The following IP6K1 variants were observed in gnomAD, a reference collection of about 807,000 sequenced individuals.
The protein encoded by IP6K1 is inositol hexakisphosphate kinase 1.
A neutral mutation model predicts 38.3 loss-of-function variants in IP6K1; 13 were observed. The observed-to-expected ratio is 0.34, with a 90% CI of 0.22 to 0.54. The LOEUF is 0.54. Among genes scored for constraint, IP6K1 ranks in the 20% least tolerant of loss-of-function variants. The pLI is 0.92. For missense variants in IP6K1, 397 were observed against 599.8 expected, an observed-to-expected ratio of 0.66 and a Z score of 3.53; for synonymous variants, 212 against 229.9, an observed-to-expected ratio of 0.92 and a Z score of 0.70.
chr3:49,785,206 T>C (rs1329449359), intron 1 of IP6K1, among the ~76,000 whole-genome samples: 2 of 152,154 alleles, frequency 1.3e-5, no homozygotes, highest in Non-Finnish European at 2.9e-5. Context: ...ATAATTTTAG[T>C]ACTGTTAAAA....
In IP6K1 at chr3:49,727,955, T is replaced by C. The variant is rs574555421; in HGVS notation, c.792+148A>G. ...ATGTCGAGGCAGCAGACTCTCACAG[T>C]GGTCCTGCACCTGAGGCCCATATCA... On this transcript the variant is annotated intron_variant, in intron 5 of 5. Coordinates refer to ENST00000321599, the MANE Select transcript of IP6K1 (RefSeq NM_153273.4). The surrounding 1 kb of genome is among the most constrained non-coding windows in gnomAD (Gnocchi z 5.9). 2.6e-6 allele frequency: 2 copies of C among 761,924 alleles called. No individual in the cohort carries two copies. The highest frequency in any genetic ancestry group is 2.3e-5 in the Admixed American group (1 of 43,404). The allele number at this position is 761,924 out of a possible 1,614,324, so 47.2% of individuals were successfully genotyped here.
chr3:49,740,939 C>T lies in IP6K1; in HGVS notation c.224-2517G>A, dbSNP rs939932829. Among the ~76,000 whole-genome samples the T allele has an allele frequency of 4.0e-5, 6 of 151,744 alleles. No individual in the cohort carries two copies. In the South Asian group the frequency reaches 6.3e-4, roughly 16 times the overall value. ...TGCAACCTCAGCTCACTGCAATCTC[C>T]GCCTCCCGAGGTGATTCTCCTGCCT... On this transcript the variant is annotated intron_variant, in intron 2 of 5. Transcript: ENST00000321599.
At chr3:49,752,057 G>A (rs983162260) in intron 1 of IP6K1, among the ~76,000 whole-genome samples, 3 of 152,136 alleles carry the variant, frequency 2.0e-5, no homozygotes, top group Non-Finnish European at 4.4e-5. Flanking sequence ...CCAGGCTGGA[G>A]TACAATGATA....
chr3:49,780,025 T>G (rs1471076710), intron 1 of IP6K1, among the ~76,000 whole-genome samples: 1 of 152,102 alleles, frequency 6.6e-6, no homozygotes, highest in East Asian at 1.9e-4. Context: ...GATGCTCTTA[T>G]TCATCAACAT....
chr3:49,760,623 CAAAAAAAAAAAA>C (rs56070382), intron 1 of IP6K1, among the ~76,000 whole-genome samples: 1 of 100,374 alleles, frequency 1.0e-5, no homozygotes, highest in Non-Finnish European at 2.0e-5. Flanking sequence ...GACTTCGTCT[CAAAAAAAAAAAA>C]AAAAAAAAAA....
intron 1 of IP6K1, among the ~76,000 whole-genome samples, chr3:49,755,002 T>A (rs574353297): frequency 6.7e-6 from 1 of 149,766 alleles, no homozygotes; most frequent in East Asian, 2.0e-4. Flanking sequence ...GTTCACTACA[T>A]CACTACAGCC....
intron 1 of IP6K1, among the ~76,000 whole-genome samples, chr3:49,756,817 C>CAAAA (rs59808252): frequency 7.5e-6 from 1 of 133,264 alleles, no homozygotes; most frequent in African/African-American, 2.9e-5. Flanking sequence ...AACTCCATCT[C>CAAAA]AAAAAAAAAA....
chr3:49,772,796 T>C (rs1204144202), intron 1 of IP6K1, among the ~76,000 whole-genome samples: 2 of 149,640 alleles, frequency 1.3e-5, no homozygotes, highest in African/African-American at 4.9e-5. Flanking sequence ...AGGGTCTCAC[T>C]ACGTTGCCCA....
intron 1 of IP6K1, among the ~76,000 whole-genome samples, chr3:49,750,810 G>A (rs930314804): frequency 2.0e-5 from 3 of 152,186 alleles, no homozygotes; most frequent in Non-Finnish European, 2.9e-5. Flanking sequence ...AGTCTATCTA[G>A]ACATTTGGTA....
rs1160659107 is a variant in IP6K1, at chr3:49,727,478, G to A, written c.970C>T (p.Arg324Trp). Residue 324 changes from arginine to tryptophan, a missense_variant, in exon 6 of 6, where the codon CGG becomes TGG. Arg to Trp is a moderately radical substitution (Grantham distance 101). Transcript: ENST00000321599. This position sits in a 1 kb window ranked among gnomAD's most constrained non-coding sequence, Gnocchi z 5.9. ...KLRGLKAVLE[R>W]QASYRFYSSS... ...GAGTAGAAGCGGTAAGAGGCCTGCC[G>A]CTCCAGCACAGCTTTCAGGCCCCGC... 3.1e-6 allele frequency: 5 copies of A among 1,614,022 alleles called. No individual in the cohort carries two copies. The highest frequency in any genetic ancestry group is 1.7e-5 in the Admixed American group (1 of 59,996).
intron 1 of IP6K1, among the ~76,000 whole-genome samples, chr3:49,749,656 G>A (rs2080754606): frequency 6.6e-6 from 1 of 152,158 alleles, no homozygotes; most frequent in South Asian, 2.1e-4. Flanking sequence ...GGGTGACAGA[G>A]CAAGACCCTG....
chr3:49,762,635 G>A lies in IP6K1; in HGVS notation c.-128-14467C>T, dbSNP rs565713099. On this transcript the variant is annotated intron_variant, in intron 1 of 5. Transcript: ENST00000321599. ...AGTCTGCGATCAAAAATCTTTCCAC[G>A]AAGAAAACTCCAGACTAGGTTTCAC... 5.3e-5 allele frequency among the ~76,000 whole-genome samples: 8 copies of A among 152,050 alleles called. No homozygotes were observed. The East Asian group carries it at 7.7e-4, about 15-fold the overall frequency.
intron 1 of IP6K1, chr3:49,775,493 C>G: frequency 4.2e-6 from 3 of 718,256 alleles, no homozygotes; most frequent in Non-Finnish European, 6.8e-6. Flanking sequence ...GTGCCTATTA[C>G]TGTAAGGAGT....
chr3:49,768,034 T>TAA (rs140063422), intron 1 of IP6K1, among the ~76,000 whole-genome samples: 107 of 121,678 alleles, frequency 8.8e-4, no homozygotes, highest in Middle Eastern at 3.7e-3. Context: ...ATCCAAGTTA[T>TAA]AAAAAAAAAA....
chr3:49,738,884 A>C (rs1293991079), intron 2 of IP6K1, among the ~76,000 whole-genome samples: 1 of 152,150 alleles, frequency 6.6e-6, no homozygotes, highest in African/African-American at 2.4e-5. Context: ...GGTCCAAAAA[A>C]ATCTGTGTTC....
chr3:49,750,759 T>C (rs899337418), intron 1 of IP6K1, among the ~76,000 whole-genome samples: 1 of 152,146 alleles, frequency 6.6e-6, no homozygotes, highest in African/African-American at 2.4e-5. Flanking sequence ...CTGTGGCAAC[T>C]TCTGCAGCTT....
chr3:49,752,248 G>A (rs1305850686), intron 1 of IP6K1, among the ~76,000 whole-genome samples: 2 of 152,066 alleles, frequency 1.3e-5, no homozygotes, highest in Non-Finnish European at 2.9e-5. Flanking sequence ...AGCACTTTGG[G>A]AAGCCAAAGC....
intron 1 of IP6K1, among the ~76,000 whole-genome samples, chr3:49,766,108 G>A (rs1421401123): frequency 3.3e-5 from 5 of 151,876 alleles, no homozygotes; most frequent in South Asian, 2.1e-4. Flanking sequence ...TCCGGGAGGC[G>A]GAGCTTGCCG....
Position 49,725,993 on chromosome 3 carries a change from C to T in IP6K1, c.*1129G>A, listed in dbSNP as rs1353202869. 6.6e-6 allele frequency: 1 copy of T among 152,320 alleles called. No individual in the cohort carries two copies. The highest frequency in any genetic ancestry group is 2.4e-5 in the African/African-American group (1 of 41,390). The allele number at this position is 152,320 out of a possible 1,614,324, so 9.4% of individuals were successfully genotyped here. A position where few individuals can be genotyped will look rare whatever the true frequency, so the allele number is the denominator to read the frequency against. The stretch of plus-strand genomic sequence containing the variant: ...TATACTAATGAACAAGGCTACACCC[C>T]AGGGGAAGGATCCCAAGGGACGGGC... On this transcript the variant is annotated 3_prime_UTR_variant, in exon 6 of 6. Coordinates refer to ENST00000321599, the MANE Select transcript of IP6K1 (RefSeq NM_153273.4).
Sources: allele counts gnomAD v4.1 joint callset (sites outside exome capture counted in the v4.1 genomes callset), GRCh38; gene constraint gnomAD v4.1.1; non-coding constraint Gnocchi (gnomAD v3.1); transcripts MANE v1.5; gene names NCBI Gene and HGNC (gene_info 2026-07-23, HGNC 2026-07-21).